CDC42BPA: variants seen among roughly 807,000 people sequenced by gnomAD.
The protein encoded by CDC42BPA is CDC42 binding protein kinase alpha, also known as serine/threonine-protein kinase MRCK alpha.
Under a neutral mutation model 223.5 loss-of-function variants are expected in CDC42BPA, and 80 were observed. That is an observed-to-expected ratio of 0.36 (90% CI 0.30 to 0.43). The LOEUF (loss-of-function observed/expected upper bound fraction) is 0.43, where lower values mean the gene tolerates loss of function less well. Among genes scored for constraint, CDC42BPA ranks in the 20% least tolerant of loss-of-function variants. The pLI, the probability that CDC42BPA is intolerant of heterozygous loss-of-function variation, is 1.00. For synonymous variants in CDC42BPA, 694 were observed against 718.6 expected, an observed-to-expected ratio of 0.97 and a Z score of 0.55; for missense variants, 1,743 against 2,099.9, an observed-to-expected ratio of 0.83 and a Z score of 3.32.
intron 1 of CDC42BPA, among the ~76,000 whole-genome samples, chr1:227,257,651 G>A (rs931197724): frequency 6.6e-6 from 1 of 150,758 alleles, no homozygotes; most frequent in Admixed American, 6.6e-5. Context: ...CTACTTGGGA[G>A]GCTGAGGCAG....
At chr1:227,254,184 T>G in intron 1 of CDC42BPA, 29 bp from the exon 2 acceptor site, 1 of 1,154,396 alleles carries the variant, frequency 8.7e-7, no homozygotes, top group Non-Finnish European at 1.3e-6. Flanking sequence ...ATCAATTATT[T>G]TCTTAATAAA....
intron 1 of CDC42BPA, among the ~76,000 whole-genome samples, chr1:227,260,278 T>C (rs1187965765): frequency 6.6e-6 from 1 of 151,176 alleles, no homozygotes; most frequent in African/African-American, 2.5e-5. Flanking sequence ...GAACAAAGTA[T>C]GTTTCTATGT....
At chr1:227,151,936 C>T (rs1661846429) in intron 6 of CDC42BPA, among the ~76,000 whole-genome samples, 1 of 148,714 alleles carries the variant, frequency 6.7e-6, no homozygotes, top group Non-Finnish European at 1.5e-5. Flanking sequence ...GTCTGAAATC[C>T]CAACTACTCG....
intron 1 of CDC42BPA, among the ~76,000 whole-genome samples, chr1:227,307,875 T>C (rs528416852): frequency 1.6e-4 from 25 of 152,322 alleles, no homozygotes; most frequent in Non-Finnish European, 2.2e-4. Context: ...GATGTGCAGA[T>C]TGGAGATATA....
intron 12 of CDC42BPA, among the ~76,000 whole-genome samples, chr1:227,118,930 G>A (rs536061114): frequency 2.6e-5 from 4 of 152,122 alleles, no homozygotes; most frequent in African/African-American, 7.2e-5. Flanking sequence ...CTTTAATAGC[G>A]TTCTCTTTTA....
intron 15 of CDC42BPA, among the ~76,000 whole-genome samples, chr1:227,097,634 A>T (rs759378706): frequency 1.3e-5 from 2 of 152,220 alleles, no homozygotes; most frequent in Non-Finnish European, 2.9e-5. Context: ...CAGCTTCCCA[A>T]TAAGACTCAG....
At chr1:227,224,709 G>A (rs1368626648) in intron 2 of CDC42BPA, among the ~76,000 whole-genome samples, 1 of 152,156 alleles carries the variant, frequency 6.6e-6, no homozygotes, top group Non-Finnish European at 1.5e-5. Context: ...AATAGCCACA[G>A]GTAACATTAT....
intron 3 of CDC42BPA, among the ~76,000 whole-genome samples, chr1:227,207,721 T>C (rs1347766393): frequency 6.7e-6 from 1 of 149,656 alleles, no homozygotes; most frequent in Non-Finnish European, 1.5e-5. Context: ...CTGCATAGTA[T>C]TCCATGGTGT....
chr1:227,313,630 GGACT>G (rs1425997503), intron 1 of CDC42BPA, among the ~76,000 whole-genome samples: 3 of 136,078 alleles, frequency 2.2e-5, no homozygotes, highest in African/African-American at 8.3e-5. Context: ...TTGATAATTC[GGACT>G]GATTAATTAA....
intron 21 of CDC42BPA, chr1:227,059,263 A>C: frequency 1.2e-6 from 1 of 846,272 alleles, no homozygotes; most frequent in Non-Finnish European, 1.9e-6. Context: ...CATGCAATAG[A>C]TGTAATAATA....
rs572019505 is a variant in CDC42BPA, at chr1:227,092,016, G to GA, written c.2250-26dup. Reference sequence around the variant, plus strand: ...ACTAACACAATTCAAAACACAAAAGGAAAAAGGGGAATTAAAGGTCATTTG... The same window carrying GA: ...ACTAACACAATTCAAAACACAAAAGGAAAAAAGGGGAATTAAAGGTCATTTG... On this transcript the variant is annotated intron_variant, in intron 15 of 36. Transcript: ENST00000366766. The GA allele has an allele frequency of 2.3e-3, 2,912 of 1,281,550 alleles. 8 individuals are homozygous for GA. The highest frequency in any genetic ancestry group is 2.4e-3 in the Non-Finnish European group (2,161 of 910,504). 79.4% of individuals were successfully genotyped at this position (1,281,550 alleles called of 1,614,324 possible).
intron 16 of CDC42BPA, among the ~76,000 whole-genome samples, chr1:227,088,069 GA>G (rs953159395): frequency 6.6e-6 from 1 of 152,160 alleles, no homozygotes. Context: ...GAATCGGTTA[GA>G]AAAAAGTTAA....
intron 1 of CDC42BPA, among the ~76,000 whole-genome samples, chr1:227,274,508 A>G (rs1686594195): frequency 6.6e-6 from 1 of 152,218 alleles, no homozygotes; most frequent in Admixed American, 6.5e-5. Context: ...GAATTAATCT[A>G]AAAGACAGTG....
intron 6 of CDC42BPA, among the ~76,000 whole-genome samples, chr1:227,149,952 A>G (rs1245323482): frequency 1.3e-5 from 2 of 152,180 alleles, no homozygotes; most frequent in East Asian, 3.9e-4. Flanking sequence ...GGTTGAGCGC[A>G]GTGGCTCACA....
chr1:227,015,082 A>G (rs1173285544), intron 34 of CDC42BPA, among the ~76,000 whole-genome samples: 1 of 151,950 alleles, frequency 6.6e-6, no homozygotes, highest in Non-Finnish European at 1.5e-5. Flanking sequence ...TAGCCTCCCG[A>G]GTAACCAGGA....
intron 1 of CDC42BPA, among the ~76,000 whole-genome samples, chr1:227,298,011 TAATA>T (rs1691001521): frequency 6.8e-6 from 1 of 146,382 alleles, no homozygotes; most frequent in South Asian, 2.1e-4. Flanking sequence ...TATATATACA[TAATA>T]TATACATACA....
At chr1:227,237,524 G>A (rs966770349) in intron 2 of CDC42BPA, among the ~76,000 whole-genome samples, 20 of 152,278 alleles carry the variant, frequency 1.3e-4, no homozygotes, top group Admixed American at 2.0e-4. Flanking sequence ...CATAGGTACA[G>A]TGAACTTTCT....
At chr1:227,253,359 G>T (rs965367572) in intron 2 of CDC42BPA, among the ~76,000 whole-genome samples, 1 of 152,208 alleles carries the variant, frequency 6.6e-6, no homozygotes, top group Non-Finnish European at 1.5e-5. Context: ...CCTTTAGGAG[G>T]ACAAGGTGGG....
Position 227,112,414 on chromosome 1 carries a change from A to C in CDC42BPA, c.1899T>G (p.Val633=). 6.3e-7 allele frequency: 1 copy of C among 1,594,868 alleles called. No homozygotes were observed. Among genetic ancestry groups the C allele is most frequent in the Non-Finnish European group, 8.5e-7 (1 of 1,170,884 alleles). ...RTERAKKELE[V]HTEALAAEAS... ...CTTCAGCAGCTAGAGCTTCTGTATG[A>C]ACTTCCAGCTTTAAAACAGAATGAA... Residue 633 remains valine (V), a synonymous_variant, in exon 14 of 37, where the codon GTT becomes GTG. Transcript: ENST00000366766.
Sources: allele counts gnomAD v4.1 joint callset (sites outside exome capture counted in the v4.1 genomes callset), GRCh38; gene constraint gnomAD v4.1.1; transcripts MANE v1.5; gene names NCBI Gene and HGNC (gene_info 2026-07-23, HGNC 2026-07-21).